Variants in LRP1B observed in about 807,000 individuals in gnomAD.
LRP1B encodes the protein LDL receptor related protein 1B.
LRP1B carries 217 observed loss-of-function variants against 556.6 expected under a neutral mutation model. The observed-to-expected ratio is 0.39, with a 90% CI of 0.35 to 0.44. The LOEUF (loss-of-function observed/expected upper bound fraction) is 0.44. LRP1B is among the 20% of genes least tolerant of loss of function. The pLI, the probability that LRP1B is intolerant of heterozygous loss-of-function variation, is 1.00. For synonymous variants in LRP1B, 2,047 were observed against 1,865.8 expected, an observed-to-expected ratio of 1.10 and a Z score of -2.50; for missense variants, 5,053 against 5,620.8, an observed-to-expected ratio of 0.90 and a Z score of 3.23.
At chr2:141,666,714 C>T (rs756308838) in intron 2 of LRP1B, among the ~76,000 whole-genome samples, 5 of 152,206 alleles carry the variant, frequency 3.3e-5, no homozygotes, top group Non-Finnish European at 7.3e-5. Flanking sequence ...GAGAGCTCTA[C>T]TGCCCCTTTT....
chr2:140,965,653 C>T (rs1696187194), intron 18 of LRP1B, among the ~76,000 whole-genome samples: 1 of 151,930 alleles, frequency 6.6e-6, no homozygotes, highest in Non-Finnish European at 1.5e-5. Flanking sequence ...TGTGCTGCAC[C>T]CATTAACTCG....
chr2:140,242,400 G>A (rs1295183046), intron 87 of LRP1B, among the ~76,000 whole-genome samples: 5 of 151,010 alleles, frequency 3.3e-5, no homozygotes, highest in Non-Finnish European at 7.4e-5. Context: ...GTTTCTCCTT[G>A]TTCTGCAAAT....
chr2:140,932,912 CACACAT>C (rs1277667337), intron 20 of LRP1B, among the ~76,000 whole-genome samples: 1 of 144,994 alleles, frequency 6.9e-6, no homozygotes, highest in Non-Finnish European at 1.5e-5. Flanking sequence ...CACACACACA[CACACAT>C]ATATATGTGT....
In LRP1B at chr2:141,399,565, T is replaced by C. The variant is rs113582805; in HGVS notation, c.343+80831A>G. ...CTCTGTAAATCTCATGGTTACTTTATTAACAGAACTAATATAACTATAACC... is the reference window on the plus strand; with the variant it reads ...CTCTGTAAATCTCATGGTTACTTTACTAACAGAACTAATATAACTATAACC... On this transcript the variant is annotated intron_variant, in intron 3 of 90. Transcript: ENST00000389484. 5.5e-4 allele frequency among the ~76,000 whole-genome samples: 84 copies of C among 152,136 alleles called. 1 individual carries two copies. The highest frequency in any genetic ancestry group is 9.0e-4 in the Non-Finnish European group (61 of 68,022).
intron 11 of LRP1B, among the ~76,000 whole-genome samples, chr2:141,044,970 C>G (rs1046001636): frequency 7.8e-4 from 117 of 150,794 alleles, no homozygotes; most frequent in African/African-American, 2.7e-3. Context: ...CACAGGCACA[C>G]GTATGTTTAT....
chr2:141,664,697 A>C (rs1023388037), intron 2 of LRP1B, among the ~76,000 whole-genome samples: 3 of 151,506 alleles, frequency 2.0e-5, no homozygotes, highest in African/African-American at 7.3e-5. Context: ...TGCTCAAGGA[A>C]ATCAGATAGG....
At position 140,623,106 on chromosome 2, in the gene LRP1B, G is replaced by T. The variant is rs151200206; in HGVS notation, c.6800-21467C>A. ...TTGTATGCAATGTCACTGAGCTGAT[G>T]TTTAAGCTTACATTAATTTCTACTT... On this transcript the variant is annotated intron_variant, in intron 41 of 90. Transcript: ENST00000389484. Among the ~76,000 whole-genome samples, 8 of 152,254 alleles carry T rather than the reference G, an allele frequency of 5.3e-5. No homozygotes were observed. The East Asian group carries it at 1.5e-3, about 29-fold the overall frequency.
intron 1 of LRP1B, among the ~76,000 whole-genome samples, chr2:142,077,176 TA>T (rs1434226134): frequency 6.6e-6 from 1 of 152,118 alleles, no homozygotes; most frequent in Non-Finnish European, 1.5e-5. Context: ...GAGAGTCTGC[TA>T]AAAATTTTGG....
At chr2:140,744,916 C>T (rs1688266984) in intron 35 of LRP1B, among the ~76,000 whole-genome samples, 1 of 152,134 alleles carries the variant, frequency 6.6e-6, no homozygotes, top group South Asian at 2.1e-4. Context: ...GTTTGACATA[C>T]AGTAGGTGCT....
chr2:141,232,677 CT>C (rs1683516711), intron 5 of LRP1B, among the ~76,000 whole-genome samples: 1 of 152,114 alleles, frequency 6.6e-6, no homozygotes, highest in African/African-American at 2.4e-5. Flanking sequence ...ACCACTAATT[CT>C]AAAGTCAGGT....
chr2:140,314,895 G>C (rs764533217), intron 83 of LRP1B, 40 bp downstream of exon 83: 1 of 1,487,876 alleles, frequency 6.7e-7, no homozygotes, highest in Non-Finnish European at 9.1e-7. Context: ...ATAAGGAAAA[G>C]TGAAAAAGAT....
chr2:141,868,453 T>C (rs954868361), intron 1 of LRP1B, among the ~76,000 whole-genome samples: 3 of 152,292 alleles, frequency 2.0e-5, no homozygotes, highest in African/African-American at 4.8e-5. Context: ...TGCACCTCAG[T>C]TCCAGCTGTT....
chr2:140,996,062 G>A (rs555545213), intron 15 of LRP1B, among the ~76,000 whole-genome samples: 1 of 152,078 alleles, frequency 6.6e-6, no homozygotes, highest in African/African-American at 2.4e-5. Context: ...GTCTAATCCA[G>A]GAATCGTGTG....
At chr2:141,100,872 A>G (rs1467881578) in intron 7 of LRP1B, among the ~76,000 whole-genome samples, 2 of 152,114 alleles carry the variant, frequency 1.3e-5, no homozygotes, top group African/African-American at 2.4e-5. Flanking sequence ...GTATGCCTGG[A>G]AAAACAACAT....
At chr2:141,613,722 A>G (rs1688188779) in intron 2 of LRP1B, among the ~76,000 whole-genome samples, 1 of 152,152 alleles carries the variant, frequency 6.6e-6, no homozygotes, top group African/African-American at 2.4e-5. Flanking sequence ...CAAGTAATAC[A>G]CTAGTTTTGA....
intron 3 of LRP1B, among the ~76,000 whole-genome samples, chr2:141,416,550 C>G (rs1464139545): frequency 2.0e-5 from 3 of 149,294 alleles, no homozygotes; most frequent in African/African-American, 7.4e-5. Flanking sequence ...GCCTCCCAGG[C>G]TCAAGCAATT....
intron 84 of LRP1B, among the ~76,000 whole-genome samples, chr2:140,284,476 A>G (rs1683044312): frequency 6.6e-6 from 1 of 151,654 alleles, no homozygotes; most frequent in Non-Finnish European, 1.5e-5. Flanking sequence ...ATCATGTTGT[A>G]TGTAGCCTAA....
At chr2:141,903,721 C>A (rs1472838775) in intron 1 of LRP1B, among the ~76,000 whole-genome samples, 1 of 151,828 alleles carries the variant, frequency 6.6e-6, no homozygotes, top group Non-Finnish European at 1.5e-5. Context: ...AGTTTTCTTG[C>A]CTACAAAGAG....
chr2:142,096,372 A>G (rs1306524385), intron 1 of LRP1B, among the ~76,000 whole-genome samples: 1 of 151,634 alleles, frequency 6.6e-6, no homozygotes, highest in Non-Finnish European at 1.5e-5. Flanking sequence ...GAGTACATTC[A>G]TGTTAATCCA....
Sources: allele counts gnomAD v4.1 joint callset (sites outside exome capture counted in the v4.1 genomes callset), GRCh38; gene constraint gnomAD v4.1.1; transcripts MANE v1.5; gene names NCBI Gene and HGNC (gene_info 2026-07-23, HGNC 2026-07-21).